CHD1L: variants seen among roughly 807,000 people sequenced by gnomAD.
CHD1L encodes chromodomain helicase DNA binding protein 1 like, also known as ATP-dependent chromatin remodeler CHD1L.
In CHD1L, 118 loss-of-function variants were observed where a neutral mutation model predicts 115.9. The ratio of observed to expected loss-of-function variants is 1.02; its 90% confidence interval spans 0.88 to 1.19. CHD1L has a LOEUF of 1.19. Ranked by LOEUF, CHD1L falls within the 50% of genes most tolerant of loss-of-function variation. CHD1L has a pLI of 0.00. For synonymous variants in CHD1L, 411 were observed against 387.1 expected (o/e 1.06, Z -0.72); for missense variants, 1,179 against 1,065.3 (o/e 1.11, Z -1.49).
chr1:147,176,596 A>G, the CHD1L span, among the ~76,000 whole-genome samples: 1 of 152,218 alleles, frequency 6.6e-6, no homozygotes, highest in Non-Finnish European at 1.5e-5. Flanking sequence ...GGAAACTACT[A>G]CAACTCTAAA....
At chr1:147,228,885 G>A in the CHD1L span, among the ~76,000 whole-genome samples, 3 of 152,194 alleles carry the variant, frequency 2.0e-5, no homozygotes, top group African/African-American at 4.8e-5. Flanking sequence ...ATTTGTTTGA[G>A]TTCATTGTAG....
At chr1:147,240,740 G>A (rs1464120588), upstream of CHD1L, among the ~76,000 whole-genome samples, 1 of 152,184 alleles carries the variant, frequency 6.6e-6, no homozygotes, top group Non-Finnish European at 1.5e-5. Flanking sequence ...ATGTTTATGT[G>A]TATGCACATC....
At chr1:147,219,504 C>G in the CHD1L span, among the ~76,000 whole-genome samples, 1 of 152,018 alleles carries the variant, frequency 6.6e-6, no homozygotes, top group African/African-American at 2.4e-5. Flanking sequence ...AGAACATCTA[C>G]AAAATACCTA....
chr1:147,232,154 G>A, the CHD1L span, among the ~76,000 whole-genome samples: 1 of 152,176 alleles, frequency 6.6e-6, no homozygotes, highest in Non-Finnish European at 1.5e-5. Flanking sequence ...CAAAGGAAAG[G>A]TGGCTGACAA....
At chr1:147,273,309 C>T in intron 12 of CHD1L, among the ~76,000 whole-genome samples, 1 of 152,058 alleles carries the variant, frequency 6.6e-6, no homozygotes, top group East Asian at 1.9e-4. Context: ...AGATGTGTGT[C>T]CTCTATTAAA....
At chr1:147,258,817 GT>G (rs1443523806) in intron 5 of CHD1L, 2 of 152,004 alleles carry the variant, frequency 1.3e-5, no homozygotes, top group Non-Finnish European at 2.9e-5. Flanking sequence ...TATACATTTA[GT>G]TTTTTAAATA....
At chr1:147,240,994 C>CT (rs1459906207), upstream of CHD1L, among the ~76,000 whole-genome samples, 151,681 of 151,724 alleles carry the variant, frequency 1, 75,819 homozygotes, top group Middle Eastern at 1. Flanking sequence ...CTCTGTGTCT[C>CT]TTTTTTTTCT....
chr1:147,237,847 GAAAACACTGTCCTTTCAAGCAA>G (rs1175779511), upstream of CHD1L, among the ~76,000 whole-genome samples: 1 of 152,174 alleles, frequency 6.6e-6, no homozygotes, highest in Non-Finnish European at 1.5e-5. Context: ...AGTTAAAAAG[GAAAACACTGTCCTTTCAAGCAA>G]AAAGACCGTG....
At chr1:147,211,897 A>C in the CHD1L span, among the ~76,000 whole-genome samples, 2 of 152,244 alleles carry the variant, frequency 1.3e-5, no homozygotes, top group African/African-American at 4.8e-5. Context: ...GTCTTTGGGA[A>C]GATAAAATTG....
the CHD1L span, among the ~76,000 whole-genome samples, chr1:147,237,099 A>G: frequency 6.6e-6 from 1 of 152,280 alleles, no homozygotes; most frequent in Admixed American, 6.5e-5. Flanking sequence ...TGAGGGGGCC[A>G]AAGCCATGTG....
chr1:147,254,937 C>T lies in CHD1L; in HGVS notation c.308C>T (p.Pro103Leu). 1 of 1,608,734 alleles carries T rather than the reference C, an allele frequency of 6.2e-7. No individual in the cohort carries two copies. ...NDEGPFLILC[P>L]LSVLSNWKEE... The stretch of plus-strand genomic sequence containing the variant: ...GAAGGGCCATTTCTGATTCTTTGTC[C>T]CTTGTCTGTTTTGAGCAACTGGAAA... The change falls in exon 3 of 23, where the codon CCC (proline) becomes CTC (leucine). Residue 103 changes from proline to leucine, a missense_variant. Coordinates refer to ENST00000369258, the MANE Select transcript of CHD1L (RefSeq NM_004284.6).
At chr1:147,272,063 G>A (rs1026721642) in intron 11 of CHD1L, 108 bp from the exon 12 acceptor site, 9 of 762,992 alleles carry the variant, frequency 1.2e-5, no homozygotes, top group Admixed American at 7.8e-5. Context: ...GGCTGTGCCT[G>A]TATATGGAAA....
chr1:147,212,514 T>C, the CHD1L span: 1 of 1,613,688 alleles, frequency 6.2e-7, no homozygotes, highest in Admixed American at 1.7e-5. Flanking sequence ...GTGGAAGTAC[T>C]GCCCTTTGAA....
chr1:147,287,619 CTCTT>C lies in CHD1L; in HGVS notation c.2222-11_2222-8del, dbSNP rs781873490. On this transcript the variant is annotated splice_polypyrimidine_tract_variant and intron_variant, in intron 18 of 22. Coordinates refer to ENST00000369258, the MANE Select transcript of CHD1L (RefSeq NM_004284.6). ...TTCACCTCCTATAGATGAAAATTTT[CTCTT>C]TCTTCAAACAGATGACTCTGGCCAC... 2 of 1,604,624 alleles carry C rather than the reference CTCTT, an allele frequency of 1.2e-6. No homozygotes were observed. The highest frequency in any genetic ancestry group is 1.7e-5 in the Admixed American group (1 of 59,028).
chr1:147,285,379 C>T lies in CHD1L; in HGVS notation c.1910C>T (p.Pro637Leu). 1 of 1,613,800 alleles carries T rather than the reference C, an allele frequency of 6.2e-7. No individual in the cohort carries two copies. The highest frequency in any genetic ancestry group is 8.5e-7 in the Non-Finnish European group (1 of 1,179,842). The change falls in exon 17 of 23, where the codon CCA becomes CTA. Residue 637 changes from proline (P) to leucine (L), a missense_variant. Pro to Leu is a moderately conservative substitution (Grantham distance 98). Transcript: ENST00000369258. ...GSTKRKRVLS[P>L]EELEDRQKKR... The stretch of plus-strand genomic sequence containing the variant: ...ACCAAAAGGAAGCGGGTTCTGAGTC[C>T]AGAAGAGCTGGAGGACAGACAGAAG...
chr1:147,295,617 A>C lies in CHD1L; in HGVS notation c.*108A>C. ...AATCAGGATCTGGTGGGCCTCAGAA[A>C]TTGTCTCTTTTCTGAGTTTCAGTTT... On this transcript the variant is annotated 3_prime_UTR_variant, in exon 23 of 23. Transcript: ENST00000369258. The C allele has an allele frequency of 1.3e-6, 1 of 793,518 alleles. No homozygotes were observed. The highest frequency in any genetic ancestry group is 1.9e-6 in the Non-Finnish European group (1 of 513,570). The allele number at this position is 793,518 out of a possible 1,614,324, so 49.2% of individuals were successfully genotyped here. A position where few individuals can be genotyped will look rare whatever the true frequency, so the allele number is the denominator to read the frequency against.
At chr1:147,290,296 G>A (rs1264334800) in intron 19 of CHD1L, among the ~76,000 whole-genome samples, 1 of 152,060 alleles carries the variant, frequency 6.6e-6, no homozygotes, top group African/African-American at 2.4e-5. Flanking sequence ...TGTTGCCCAG[G>A]CTGGCCTCAA....
intron 14 of CHD1L, among the ~76,000 whole-genome samples, chr1:147,277,559 A>G (rs1678997788): frequency 6.6e-6 from 1 of 152,104 alleles, no homozygotes; most frequent in Non-Finnish European, 1.5e-5. Flanking sequence ...TTCTTTGTTT[A>G]TCTTAGGGGG....
chr1:147,276,102 A>G lies in CHD1L; in HGVS notation c.1386-2A>G, dbSNP rs113139670. 1,779 of 1,613,820 alleles carry G rather than the reference A, an allele frequency of 1.1e-3. 3 individuals are homozygous for G. The highest frequency in any genetic ancestry group is 1.4e-3 in the Non-Finnish European group (1,667 of 1,179,918). ...CACTACCCTTGTTTGACTTATGTCC[A>G]GGTCTGTTAAAGTTATTCGGCTGAT... On this transcript the variant is annotated splice_acceptor_variant, in intron 13 of 22. Coordinates refer to ENST00000369258, the MANE Select transcript of CHD1L (RefSeq NM_004284.6). LOFTEE classifies it high-confidence loss of function.
Sources: gnomAD v4.1 joint callset for allele counts (sites outside exome capture counted in the v4.1 genomes callset) on GRCh38, gnomAD v4.1.1 for gene constraint, MANE v1.5 for transcripts, NCBI Gene and HGNC (gene_info 2026-07-23, HGNC 2026-07-21) for gene names.